Variants in ZEB1 observed in about 807,000 individuals in gnomAD.
ZEB1 encodes zinc finger E-box binding homeobox 1.
ZEB1 carries 21 observed loss-of-function variants against 84.9 expected under a neutral mutation model. The observed-to-expected ratio is 0.25, with a 90% CI of 0.18 to 0.36. The LOEUF is 0.36. ZEB1 is among the 10% of genes least tolerant of loss of function. ZEB1 has a pLI of 1.00. For missense variants in ZEB1, 1,104 were observed against 1,330.2 expected (o/e 0.83, Z 2.65); for synonymous variants, 420 against 471.1 (o/e 0.89, Z 1.41).
chr10:31,445,877 C>G lies in ZEB1; in HGVS notation c.59-15160C>G, dbSNP rs1240416859. Among the ~76,000 whole-genome samples the G allele has an allele frequency of 1.8e-3, 220 of 120,626 alleles. 2 individuals carry two copies. The highest frequency in any genetic ancestry group is 8.6e-3 in the South Asian group (26 of 3,020). The allele number at this position is 120,626 out of a possible 152,430, so 79.1% of individuals were successfully genotyped here. ...ATCAAGGATATTGGTCTAAAATTCT[C>G]TTTTTTGGTTGTGTCTCTGCCAGGC... On this transcript the variant is annotated intron_variant, in intron 1 of 8. Coordinates refer to ENST00000424869, the MANE Select transcript of ZEB1 (RefSeq NM_001174096.2).
chr10:31,493,222 C>A (rs1222043975), intron 2 of ZEB1, among the ~76,000 whole-genome samples: 3 of 151,972 alleles, frequency 2.0e-5, no homozygotes, highest in East Asian at 3.9e-4. Context: ...AGTATGTAAC[C>A]TTTTAGACTG....
intron 8 of ZEB1, 93 bp from the exon 9 acceptor site, chr10:31,526,579 C>T (rs976263823): frequency 2.7e-5 from 39 of 1,444,234 alleles, no homozygotes; most frequent in African/African-American, 5.7e-5. Context: ...TAATAACCCT[C>T]CCCTTTCTAC....
At chr10:31,335,305 A>AT (rs946641630) in intron 1 of ZEB1, among the ~76,000 whole-genome samples, 2 of 152,078 alleles carry the variant, frequency 1.3e-5, no homozygotes, top group African/African-American at 4.8e-5. Context: ...TCATCAGATA[A>AT]TAAAAAAAAA....
At chr10:31,445,197 C>T (rs2059597520) in intron 1 of ZEB1, among the ~76,000 whole-genome samples, 1 of 145,952 alleles carries the variant, frequency 6.9e-6, no homozygotes, top group African/African-American at 2.8e-5. Flanking sequence ...GGAGTTCACT[C>T]ATGATTTGGC....
chr10:31,413,876 A>T (rs926502561), intron 1 of ZEB1, among the ~76,000 whole-genome samples: 2 of 152,130 alleles, frequency 1.3e-5, no homozygotes, highest in Middle Eastern at 3.2e-3. Flanking sequence ...TCTTTCTGCC[A>T]ATCTGTGTTT....
chr10:31,479,011 C>T (rs2064681826), intron 2 of ZEB1, among the ~76,000 whole-genome samples: 5 of 151,526 alleles, frequency 3.3e-5, no homozygotes, highest in African/African-American at 1.2e-4. Flanking sequence ...TGCACATGTG[C>T]CCCCCAAATC....
At chr10:31,368,145 A>G (rs550689906) in intron 1 of ZEB1, among the ~76,000 whole-genome samples, 49 of 151,794 alleles carry the variant, frequency 3.2e-4, no homozygotes, top group African/African-American at 1.1e-3. Context: ...ATATCCTCTC[A>G]TGTACTTTAT....
chr10:31,496,917 G>A (rs2067322821), intron 3 of ZEB1, among the ~76,000 whole-genome samples: 1 of 152,058 alleles, frequency 6.6e-6, no homozygotes, highest in South Asian at 2.1e-4. Flanking sequence ...CTGTAAAACA[G>A]AGTAAATCTT....
intron 1 of ZEB1, among the ~76,000 whole-genome samples, chr10:31,405,470 A>G (rs1170132479): frequency 6.6e-6 from 1 of 152,170 alleles, no homozygotes; most frequent in African/African-American, 2.4e-5. Flanking sequence ...CTTTATATTC[A>G]GTACAGTACT....
chr10:31,434,617 G>A (rs527888801), intron 1 of ZEB1, among the ~76,000 whole-genome samples: 7 of 152,038 alleles, frequency 4.6e-5, no homozygotes, highest in African/African-American at 1.7e-4. Flanking sequence ...TTTAAAATTC[G>A]TTGAGTCAAT....
intron 4 of ZEB1, among the ~76,000 whole-genome samples, chr10:31,504,448 G>T (rs2068612905): frequency 6.6e-6 from 1 of 151,974 alleles, no homozygotes; most frequent in Non-Finnish European, 1.5e-5. Flanking sequence ...GTCTTTTGTG[G>T]TTCCGTAAAA....
intron 2 of ZEB1, among the ~76,000 whole-genome samples, chr10:31,474,278 A>G (rs1401789550): frequency 1.3e-5 from 2 of 151,830 alleles, no homozygotes; most frequent in South Asian, 2.1e-4. Context: ...CAGGCAACCT[A>G]CAAAATGGGA....
chr10:31,389,230 A>G (rs2049180992), intron 1 of ZEB1, among the ~76,000 whole-genome samples: 1 of 152,094 alleles, frequency 6.6e-6, no homozygotes, highest in African/African-American at 2.4e-5. Context: ...TGACAAAATC[A>G]ACTGTTGTTC....
intron 1 of ZEB1, among the ~76,000 whole-genome samples, chr10:31,368,297 A>C (rs1419975667): frequency 6.6e-6 from 1 of 151,978 alleles, no homozygotes; most frequent in African/African-American, 2.4e-5. Flanking sequence ...CTGGGACCAC[A>C]GGCACGCACC....
rs183360838 is a variant in ZEB1, at chr10:31,400,726, T to C, written c.59-60311T>C. On this transcript the variant is annotated intron_variant, in intron 1 of 8. Coordinates refer to ENST00000424869, the MANE Select transcript of ZEB1 (RefSeq NM_001174096.2). ...TTCAGGATCCTTGTTCTGTGTCTTA[T>C]AAGTTTTCATCTTCAAAAAGCATGG... is the stretch of plus-strand genomic sequence containing the variant. 2.6e-3 allele frequency among the ~76,000 whole-genome samples: 402 copies of C among 152,264 alleles called. 2 individuals carry two copies. Among genetic ancestry groups the C allele is most frequent in the Non-Finnish European group, 6.0e-4 (41 of 67,988 alleles).
intron 1 of ZEB1, among the ~76,000 whole-genome samples, chr10:31,351,962 A>G (rs1337154104): frequency 1.3e-5 from 2 of 152,204 alleles, no homozygotes; most frequent in Non-Finnish European, 2.9e-5. Context: ...TATGTTTAGT[A>G]AAATTCAATG....
At chr10:31,349,956 C>T (rs1590180657) in intron 1 of ZEB1, among the ~76,000 whole-genome samples, 1 of 152,106 alleles carries the variant, frequency 6.6e-6, no homozygotes, top group African/African-American at 2.4e-5. Flanking sequence ...TTTTTGTTGC[C>T]TATACTTTTA....
At chr10:31,390,388 T>C (rs2135201124) in intron 1 of ZEB1, among the ~76,000 whole-genome samples, 1 of 152,278 alleles carries the variant, frequency 6.6e-6, no homozygotes. Flanking sequence ...CATTTCTTCC[T>C]AATGACCTAG....
intron 2 of ZEB1, among the ~76,000 whole-genome samples, chr10:31,470,452 A>G (rs1392411548): frequency 6.6e-6 from 1 of 151,182 alleles, no homozygotes; most frequent in East Asian, 1.9e-4. Flanking sequence ...CAACTGGAAG[A>G]AAGGGTATCA....
Sources: allele counts gnomAD v4.1 joint callset (sites outside exome capture counted in the v4.1 genomes callset), GRCh38; gene constraint gnomAD v4.1.1; transcripts MANE v1.5; gene names NCBI Gene and HGNC (gene_info 2026-07-23, HGNC 2026-07-21).